The following SH3BGRL2 variants were observed in gnomAD, a reference collection of about 807,000 sequenced individuals.
The protein encoded by SH3BGRL2 is SH3 domain binding glutamate rich protein like 2, also known as SH3 domain-binding glutamic acid-rich-like protein 2.
In SH3BGRL2, 21 loss-of-function variants were observed where a neutral mutation model predicts 14.8. That is an observed-to-expected ratio of 1.42 (90% CI 1.01 to 2.05). The LOEUF (loss-of-function observed/expected upper bound fraction) is 2.05, where lower values mean the gene tolerates loss of function less well. SH3BGRL2 is among the 30% of genes most tolerant of loss of function. SH3BGRL2 has a pLI of 0.00. For synonymous variants in SH3BGRL2, 50 were observed against 47.8 expected (o/e 1.05, Z -0.19); for missense variants, 147 against 130.8 (o/e 1.12, Z -0.61).
the SH3BGRL2 span, among the ~76,000 whole-genome samples, chr6:79,589,246 GTGAAA>G: frequency 6.7e-6 from 1 of 149,084 alleles, no homozygotes; most frequent in Non-Finnish European, 1.5e-5. Flanking sequence ...ACCTGTGGAT[GTGAAA>G]TCTGTGGTTA....
At chr6:79,607,159 G>C in the SH3BGRL2 span, among the ~76,000 whole-genome samples, 1 of 152,184 alleles carries the variant, frequency 6.6e-6, no homozygotes, top group Non-Finnish European at 1.5e-5. Context: ...GATTTCAGTG[G>C]TTGTAGTTTG....
At chr6:79,638,867 C>G (rs1009564299) in intron 1 of SH3BGRL2, among the ~76,000 whole-genome samples, 4 of 151,974 alleles carry the variant, frequency 2.6e-5, no homozygotes, top group African/African-American at 9.7e-5. Context: ...TAGTTTGCAC[C>G]TTTTCTTCCA....
chr6:79,615,599 C>T, the SH3BGRL2 span, among the ~76,000 whole-genome samples: 1 of 152,130 alleles, frequency 6.6e-6, no homozygotes. Flanking sequence ...TGATTAATTT[C>T]ATCACACCTA....
the SH3BGRL2 span, among the ~76,000 whole-genome samples, chr6:79,597,447 G>A: frequency 6.6e-6 from 1 of 152,218 alleles, no homozygotes; most frequent in Admixed American, 6.5e-5. Context: ...ATAGAATTGA[G>A]AGTCCAGAAA....
At chr6:79,650,413 T>A (rs1385585398) in intron 1 of SH3BGRL2, among the ~76,000 whole-genome samples, 2 of 152,150 alleles carry the variant, frequency 1.3e-5, no homozygotes, top group Non-Finnish European at 2.9e-5. Context: ...GGTGTCTTAG[T>A]CCATTTGGTT....
chr6:79,571,035 T>C, the SH3BGRL2 span, among the ~76,000 whole-genome samples: 1 of 152,318 alleles, frequency 6.6e-6, no homozygotes, highest in South Asian at 2.1e-4. Context: ...AGAACTAACC[T>C]GTTTGTTGTT....
the SH3BGRL2 span, among the ~76,000 whole-genome samples, chr6:79,548,953 A>G: frequency 2.0e-5 from 3 of 152,176 alleles, no homozygotes; most frequent in African/African-American, 7.2e-5. Flanking sequence ...TTAAGATATA[A>G]ATTAATTAAT....
chr6:79,668,799 T>A lies in SH3BGRL2; in HGVS notation c.46-4815T>A, dbSNP rs562232593. 3.3e-5 allele frequency among the ~76,000 whole-genome samples: 5 copies of A among 152,348 alleles called. No homozygotes were observed. The East Asian group carries it at 9.6e-4, about 29-fold the overall frequency. ...ACTGACAATAGAATTTATTTAAACA[T>A]GCAACCACATACTACTTTCTTTTTC... On this transcript the variant is annotated intron_variant, in intron 1 of 3. Transcript: ENST00000369838.
the SH3BGRL2 span, among the ~76,000 whole-genome samples, chr6:79,548,538 T>C: frequency 1.2e-3 from 189 of 152,316 alleles, no homozygotes; most frequent in Middle Eastern, 6.8e-3. Flanking sequence ...TGTTCGCCAA[T>C]TTGTTCAGAG....
intron 1 of SH3BGRL2, among the ~76,000 whole-genome samples, chr6:79,642,442 A>G (rs1447494578): frequency 6.6e-6 from 1 of 152,070 alleles, no homozygotes; most frequent in Non-Finnish European, 1.5e-5. Context: ...GGCTTGATCT[A>G]AGGATTGCTG....
rs1381547016 is a variant in SH3BGRL2, at chr6:79,673,677, G to T, written c.109G>T (p.Val37Leu). ...AGCCAACAAGATAGAGTTTGAGGAG[G>T]TGGATATCACAATGTCAGAAGAACA... ...LEANKIEFEE[V>L]DITMSEEQRQ... Residue 37 changes from valine to leucine, a missense_variant, in exon 2 of 4, where the codon GTG becomes TTG. Coordinates refer to ENST00000369838, the MANE Select transcript of SH3BGRL2 (RefSeq NM_031469.4). The T allele has an allele frequency of 1.9e-6, 3 of 1,614,016 alleles. No individual in the cohort carries two copies. The highest frequency in any genetic ancestry group is 3.3e-5 in the Admixed American group (2 of 59,992).
intron 2 of SH3BGRL2, among the ~76,000 whole-genome samples, chr6:79,693,729 G>A (rs557556745): frequency 5.3e-5 from 8 of 152,184 alleles, no homozygotes; most frequent in Non-Finnish European, 8.8e-5. Flanking sequence ...TAGTGGATAA[G>A]CTTTTTGATA....
At chr6:79,678,657 A>G (rs756033707) in intron 2 of SH3BGRL2, among the ~76,000 whole-genome samples, 12 of 152,068 alleles carry the variant, frequency 7.9e-5, no homozygotes, top group Admixed American at 1.3e-4. Flanking sequence ...GAATTATTTT[A>G]TATTTCTTTT....
chr6:79,608,770 T>G, the SH3BGRL2 span, among the ~76,000 whole-genome samples: 1 of 152,198 alleles, frequency 6.6e-6, no homozygotes, highest in East Asian at 1.9e-4. Context: ...GAATGTTTTC[T>G]GAAACTACAC....
the SH3BGRL2 span, chr6:79,574,863 C>T: frequency 6.6e-6 from 1 of 152,248 alleles, no homozygotes; most frequent in Non-Finnish European, 1.5e-5. Context: ...GTTAGAACAG[C>T]TAAGGGCTGG....
At chr6:79,693,394 G>A (rs548926937) in intron 2 of SH3BGRL2, among the ~76,000 whole-genome samples, 21 of 151,698 alleles carry the variant, frequency 1.4e-4, no homozygotes, top group African/African-American at 5.1e-4. Context: ...CCAACACTAT[G>A]TTAAATAGGA....
chr6:79,585,728 A>G, the SH3BGRL2 span, among the ~76,000 whole-genome samples: 1 of 149,564 alleles, frequency 6.7e-6, no homozygotes, highest in Non-Finnish European at 1.5e-5. Flanking sequence ...ATTTCTTCCT[A>G]CCTTGTATCA....
intron 1 of SH3BGRL2, among the ~76,000 whole-genome samples, chr6:79,648,278 A>ATATATATATATATATATATT (rs1562146749): frequency 7.8e-6 from 1 of 127,936 alleles, no homozygotes; most frequent in African/African-American, 2.8e-5. Flanking sequence ...ATATATATAT[A>ATATATATATATATATATATT]TATATTTGAC....
At chr6:79,565,647 C>CA in the SH3BGRL2 span, among the ~76,000 whole-genome samples, 2,555 of 152,252 alleles carry the variant, frequency 0.017, 70 homozygotes, top group African/African-American at 0.058. Context: ...CTTATTATCC[C>CA]AGTCCCAACA....
Sources: allele counts gnomAD v4.1 joint callset (sites outside exome capture counted in the v4.1 genomes callset), GRCh38; gene constraint gnomAD v4.1.1; transcripts MANE v1.5; gene names NCBI Gene and HGNC (gene_info 2026-07-23, HGNC 2026-07-21).